The following BORCS5 variants were observed in gnomAD, a reference collection of about 807,000 sequenced individuals.
BORCS5 encodes BLOC-1 related complex subunit 5.
BORCS5 carries 17 observed loss-of-function variants against 22.1 expected under a neutral mutation model. The observed-to-expected ratio is 0.77, with a 90% CI of 0.53 to 1.15. The LOEUF is 1.15. Among genes scored for constraint, BORCS5 ranks in the 50% most tolerant of loss-of-function variants. The pLI is 0.00. For synonymous variants in BORCS5, 117 were observed against 99.8 expected (o/e 1.17, Z -1.03); for missense variants, 247 against 253.2 (o/e 0.98, Z 0.17).
chr12:12,470,676 G>GTT lies in BORCS5; in HGVS notation c.*4911_*4912dup, dbSNP rs10647835. On this transcript the variant is annotated 3_prime_UTR_variant, in exon 4 of 4. Coordinates refer to ENST00000314565, the MANE Select transcript of BORCS5 (RefSeq NM_058169.6). The stretch of plus-strand genomic sequence containing the variant: ...ATAAATAACATTGAATTTCATGTGG[G>GTT]TTTTTTTTTTTTGACACACCAGGCA... Among the ~76,000 whole-genome samples, 121,843 of 146,438 alleles carry GTT rather than the reference G, an allele frequency of 0.83. 51,205 individuals carry two copies. The highest frequency in any genetic ancestry group is 0.94 in the Middle Eastern group (264 of 280).
chr12:12,403,682 G>A (rs1941528731), intron 2 of BORCS5, among the ~76,000 whole-genome samples: 3 of 152,252 alleles, frequency 2.0e-5, no homozygotes, highest in South Asian at 2.1e-4. Context: ...TGATGTACAC[G>A]CTTGATGGAC....
At chr12:12,411,179 A>G (rs981019027) in intron 2 of BORCS5, among the ~76,000 whole-genome samples, 3 of 152,184 alleles carry the variant, frequency 2.0e-5, no homozygotes, top group Non-Finnish European at 1.5e-5. Context: ...AACAGGGACA[A>G]TTTGACTTCC....
At chr12:12,368,606 A>ATTTT (rs563081728) in intron 2 of BORCS5, among the ~76,000 whole-genome samples, 47 of 140,628 alleles carry the variant, frequency 3.3e-4, no homozygotes, top group African/African-American at 1.1e-3. Flanking sequence ...CACCTGGCTA[A>ATTTT]TTTTTTTTTT....
intron 2 of BORCS5, among the ~76,000 whole-genome samples, chr12:12,427,721 G>T (rs1195840299): frequency 6.6e-6 from 1 of 152,162 alleles, no homozygotes; most frequent in Non-Finnish European, 1.5e-5. Flanking sequence ...GGAAATCCAA[G>T]GTCAAGGTGC....
chr12:12,432,909 T>C (rs1227928474), intron 2 of BORCS5, among the ~76,000 whole-genome samples: 1 of 152,052 alleles, frequency 6.6e-6, no homozygotes, highest in East Asian at 1.9e-4. Flanking sequence ...GTGGGGTAGG[T>C]ATAGTTACAA....
At chr12:12,414,508 C>T (rs1375468768) in intron 2 of BORCS5, among the ~76,000 whole-genome samples, 1 of 71,356 alleles carries the variant, frequency 1.4e-5, no homozygotes, top group Non-Finnish European at 2.9e-5. Context: ...TAGGGGCGGC[C>T]GGGCAGAGGA....
At chr12:12,407,827 A>G (rs1941628410) in intron 2 of BORCS5, among the ~76,000 whole-genome samples, 1 of 150,716 alleles carries the variant, frequency 6.6e-6, no homozygotes, top group Non-Finnish European at 1.5e-5. Context: ...CTCCCGCCTC[A>G]GCCTCCTGAG....
chr12:12,435,958 T>G, intron 3 of BORCS5, 173 bp downstream of exon 3: 1 of 589,910 alleles, frequency 1.7e-6, no homozygotes, highest in Non-Finnish European at 2.8e-6. Flanking sequence ...TAATTTAGAG[T>G]TTGAATTCTG....
At chr12:12,447,555 TG>T (rs2136141253) in intron 3 of BORCS5, among the ~76,000 whole-genome samples, 1 of 152,304 alleles carries the variant, frequency 6.6e-6, no homozygotes, top group African/African-American at 2.4e-5. Flanking sequence ...GCAGCCCCAG[TG>T]GCAGTATACC....
intron 2 of BORCS5, among the ~76,000 whole-genome samples, chr12:12,433,348 A>AAAAAAAT (rs35052204): frequency 1.6e-5 from 2 of 126,124 alleles, no homozygotes; most frequent in South Asian, 2.3e-4. Context: ...AAAAAAAAAA[A>AAAAAAAT]GGAAATCTGC....
chr12:12,435,635 G>T lies in BORCS5; in HGVS notation c.210G>T (p.Leu70Phe). The change falls in exon 3 of 4, where the codon TTG becomes TTT. Residue 70 changes from leucine (L) to phenylalanine (F), a missense_variant. Coordinates refer to ENST00000314565, the MANE Select transcript of BORCS5 (RefSeq NM_058169.6). ...PTFQPLLKGL[L>F]SGQTSPTNAK... ...TTTTTTTCTCCTTTGAAGGGCTATT[G>T]AGTGGCCAGACTTCCCCAACAAATG... 6.2e-7 allele frequency: 1 copy of T among 1,612,912 alleles called. No homozygotes were observed. The highest frequency in any genetic ancestry group is 1.7e-5 in the Admixed American group (1 of 59,772).
At chr12:12,358,322 A>G (rs1863194154) in intron 1 of BORCS5, among the ~76,000 whole-genome samples, 1 of 152,146 alleles carries the variant, frequency 6.6e-6, no homozygotes, top group Non-Finnish European at 1.5e-5. Context: ...TCTTGATAGG[A>G]GCTGTAATTC....
intron 3 of BORCS5, among the ~76,000 whole-genome samples, chr12:12,442,988 A>G (rs1380939263): frequency 6.6e-6 from 1 of 152,222 alleles, no homozygotes; most frequent in Non-Finnish European, 1.5e-5. Flanking sequence ...AGACTGATCC[A>G]GATTAAATGA....
chr12:12,439,408 G>T (rs145593176), intron 3 of BORCS5, among the ~76,000 whole-genome samples: 16 of 152,036 alleles, frequency 1.1e-4, no homozygotes, highest in Non-Finnish European at 2.1e-4. Flanking sequence ...CAGGTGGATT[G>T]TTTGAGCCCA....
At chr12:12,431,177 C>T (rs1237008428) in intron 2 of BORCS5, among the ~76,000 whole-genome samples, 2 of 152,186 alleles carry the variant, frequency 1.3e-5, no homozygotes, top group African/African-American at 4.8e-5. Context: ...ACAACTTACA[C>T]ACTAAGCAGC....
intron 2 of BORCS5, among the ~76,000 whole-genome samples, chr12:12,416,589 C>CA (rs1341539244): frequency 6.6e-6 from 1 of 151,746 alleles, no homozygotes. Flanking sequence ...ACTACAGACA[C>CA]ACACCATTAT....
chr12:12,416,761 C>T (rs1188529041), intron 2 of BORCS5, among the ~76,000 whole-genome samples: 9 of 146,638 alleles, frequency 6.1e-5, no homozygotes, highest in Non-Finnish European at 1.2e-4. Flanking sequence ...GCACCCAACT[C>T]TTGTTTTTTA....
At chr12:12,433,348 A>T (rs12308866) in intron 2 of BORCS5, among the ~76,000 whole-genome samples, 4,142 of 126,024 alleles carry the variant, frequency 0.033, 258 homozygotes, top group African/African-American at 0.1. Context: ...AAAAAAAAAA[A>T]GGAAATCTGC....
chr12:12,463,364 A>T (rs1049134666), intron 3 of BORCS5, among the ~76,000 whole-genome samples: 1 of 152,044 alleles, frequency 6.6e-6, no homozygotes, highest in South Asian at 2.1e-4. Flanking sequence ...AATGGGGGAA[A>T]CATTTAAAAG....
Sources: allele counts gnomAD v4.1 joint callset (sites outside exome capture counted in the v4.1 genomes callset), GRCh38; gene constraint gnomAD v4.1.1; transcripts MANE v1.5; gene names NCBI Gene and HGNC (gene_info 2026-07-23, HGNC 2026-07-21).